Variants in NDUFA10 observed in about 807,000 individuals in gnomAD.
The protein encoded by NDUFA10 is NADH:ubiquinone oxidoreductase subunit A10.
In NDUFA10, 40 loss-of-function variants were observed where a neutral mutation model predicts 47.8. The observed-to-expected ratio is 0.84, with a 90% CI of 0.65 to 1.09. The LOEUF is 1.09. Ranked by LOEUF, NDUFA10 falls within the 50% of genes least tolerant of loss-of-function variation. NDUFA10 has a pLI of 0.00. For synonymous variants in NDUFA10, 183 were observed against 172.2 expected (o/e 1.06, Z -0.49); for missense variants, 413 against 451.1 (o/e 0.92, Z 0.76).
chr2:239,955,010 T>C (rs551738588), downstream of NDUFA10, among the ~76,000 whole-genome samples: 10 of 152,330 alleles, frequency 6.6e-5, no homozygotes, highest in Middle Eastern at 6.8e-3. Context: ...TAAATTACTT[T>C]CTCTCAACAA....
chr2:239,996,327 C>T (rs913116858), intron 8 of NDUFA10, among the ~76,000 whole-genome samples: 1 of 152,266 alleles, frequency 6.6e-6, no homozygotes, highest in Non-Finnish European at 1.5e-5. Flanking sequence ...GGAGAGAAAT[C>T]ATACACAGTG....
At chr2:240,006,508 C>T (rs1449462139) in intron 7 of NDUFA10, among the ~76,000 whole-genome samples, 2 of 152,178 alleles carry the variant, frequency 1.3e-5, no homozygotes, top group Non-Finnish European at 2.9e-5. Flanking sequence ...CTCTGTTACA[C>T]GGGCACCACT....
rs1694098012 is a variant in NDUFA10 at position 239,928,201 on chromosome 2, T to G, written c.295-32887A>C. On this transcript the variant is annotated intron_variant, in intron 4 of 5. Transcript: ENST00000419408. This position sits in a 1 kb window ranked among gnomAD's most constrained non-coding sequence, Gnocchi z 4.3. ...AAAAATAACAAAAGAAGAAAACAAA[T>G]GTAACAGAAAAAAAAAGGCAGGTAC... Among the ~76,000 whole-genome samples, 1 of 150,484 alleles carries G rather than the reference T, an allele frequency of 6.6e-6. No individual in the cohort carries two copies. The highest frequency in any genetic ancestry group is 1.5e-5 in the Non-Finnish European group (1 of 67,594).
chr2:240,019,615 G>A lies in NDUFA10; in HGVS notation c.461-976C>T, dbSNP rs1251476749. Among the ~76,000 whole-genome samples, 5 of 94,448 alleles carry A rather than the reference G, an allele frequency of 5.3e-5. 2 individuals carry two copies. The allele number at this position is 94,448 out of a possible 152,430, so 62.0% of individuals were successfully genotyped here. A position where few individuals can be genotyped will look rare whatever the true frequency, so the allele number is the denominator to read the frequency against. ...GGGCGGATCACGAGGTCAGGAGATCGAGACCATCCCGGCTAAAACGGTGAA... is the reference window on the plus strand; with the variant it reads ...GGGCGGATCACGAGGTCAGGAGATCAAGACCATCCCGGCTAAAACGGTGAA... On this transcript the variant is annotated intron_variant, in intron 3 of 9. Transcript: ENST00000252711.
intron 4 of NDUFA10, among the ~76,000 whole-genome samples, chr2:239,936,793 T>C (rs1013260334): frequency 6.6e-6 from 1 of 152,012 alleles, no homozygotes; most frequent in Non-Finnish European, 1.5e-5. Flanking sequence ...TCTCTACTAA[T>C]AATAAAAAAA....
At chr2:239,982,082 C>T (rs1353711284) in intron 9 of NDUFA10, 2 of 1,611,500 alleles carry the variant, frequency 1.2e-6, no homozygotes, top group Non-Finnish European at 8.5e-7. Context: ...CTGTTTGCTC[C>T]CCTGCAGCAA....
intron 4 of NDUFA10, among the ~76,000 whole-genome samples, chr2:239,909,191 A>C (rs916274151): frequency 6.8e-6 from 1 of 147,296 alleles, no homozygotes; most frequent in Non-Finnish European, 1.5e-5. Flanking sequence ...AGACAAAACC[A>C]AAGTGGGGTC....
chr2:239,959,947 G>T lies in NDUFA10; in HGVS notation c.*1171C>A. 2 of 985,534 alleles carry T rather than the reference G, an allele frequency of 2.0e-6. No individual in the cohort carries two copies. Among genetic ancestry groups the T allele is most frequent in the South Asian group, 9.4e-5 (2 of 21,292 alleles). 61.0% of individuals were successfully genotyped at this position (985,534 alleles called of 1,614,324 possible). On this transcript the variant is annotated 3_prime_UTR_variant, in exon 10 of 10. Transcript: ENST00000252711. ...AGGCCTGGTAGAGCTTCCGCGGGGA[G>T]CAGAGCATCGTCCTCTGCACCAGCA...
chr2:240,004,654 A>ATGGC (rs1696875763), intron 8 of NDUFA10, among the ~76,000 whole-genome samples: 6 of 147,072 alleles, frequency 4.1e-5, no homozygotes, highest in African/African-American at 1.6e-4. Flanking sequence ...CCCTCCCCAC[A>ATGGC]CTTTTTCTGG....
At chr2:239,996,966 T>C (rs538003278) in intron 8 of NDUFA10, among the ~76,000 whole-genome samples, 83 of 152,218 alleles carry the variant, frequency 5.5e-4, no homozygotes, top group South Asian at 1.9e-3. Flanking sequence ...TGCAATGTAA[T>C]ACAATAATAT....
intron 4 of NDUFA10, among the ~76,000 whole-genome samples, chr2:239,922,185 G>A (rs1694001659): frequency 6.6e-6 from 1 of 151,786 alleles, no homozygotes; most frequent in Non-Finnish European, 1.5e-5. Flanking sequence ...TAAATGTCCT[G>A]AGTGTCCCTT....
chr2:239,974,595 T>C (rs1163579900), intron 9 of NDUFA10, among the ~76,000 whole-genome samples: 2 of 152,238 alleles, frequency 1.3e-5, no homozygotes, highest in Non-Finnish European at 2.9e-5. Flanking sequence ...TGATCCCTCA[T>C]GAATGGCTTG....
At chr2:239,934,744 C>T (rs774110260) in intron 4 of NDUFA10, among the ~76,000 whole-genome samples, 1 of 152,212 alleles carries the variant, frequency 6.6e-6, no homozygotes, top group African/African-American at 2.4e-5. Flanking sequence ...CTCAGCGCAG[C>T]GTTCTCACTG....
chr2:240,006,032 T>C (rs1417299936), intron 7 of NDUFA10, among the ~76,000 whole-genome samples: 3 of 152,236 alleles, frequency 2.0e-5, no homozygotes, highest in Admixed American at 6.5e-5. Context: ...GCCTCAAGGC[T>C]GGCTGTCTAC....
Position 240,016,166 on chromosome 2 carries a change from A to C in NDUFA10, c.548-1306T>G, listed in dbSNP as rs1253176152. On this transcript the variant is annotated intron_variant, in intron 4 of 9. Transcript: ENST00000252711. The surrounding 1 kb of genome is among the most constrained non-coding windows in gnomAD (Gnocchi z 4.4). ...GGTCAGGAACGGCACGAGCTAAAGA[A>C]CAAGGAAGACCACCCAGGAGGAGGT... 6.6e-6 allele frequency among the ~76,000 whole-genome samples: 1 copy of C among 152,248 alleles called. No individual in the cohort carries two copies. Among genetic ancestry groups the C allele is most frequent in the African/African-American group, 2.4e-5 (1 of 41,470 alleles).
At chr2:239,980,309 C>A (rs1452227116) in intron 9 of NDUFA10, among the ~76,000 whole-genome samples, 1 of 152,208 alleles carries the variant, frequency 6.6e-6, no homozygotes, top group African/African-American at 2.4e-5. Flanking sequence ...AAATGTCAGG[C>A]TTGGCAGCAG....
chr2:239,950,975 G>A (rs951773957), intron 4 of NDUFA10, among the ~76,000 whole-genome samples: 5 of 152,226 alleles, frequency 3.3e-5, no homozygotes, highest in Non-Finnish European at 7.3e-5. Context: ...CTTCCAGTAC[G>A]TTCCGCTTCA....
intron 9 of NDUFA10, among the ~76,000 whole-genome samples, chr2:239,983,242 G>A (rs113818886): frequency 0.018 from 2,724 of 152,222 alleles, 85 homozygotes; most frequent in African/African-American, 0.062. Flanking sequence ...AGAGCCTTTT[G>A]TGAGAAGCCA....
chr2:240,004,649 C>CTAGTCCTGCTCCCTTCCG (rs1696874941), intron 8 of NDUFA10, among the ~76,000 whole-genome samples: 1 of 151,978 alleles, frequency 6.6e-6, no homozygotes, highest in African/African-American at 2.4e-5. Context: ...GCCTCCCCTC[C>CTAGTCCTGCTCCCTTCCG]CCACACTTTT....
Sources: allele counts gnomAD v4.1 joint callset (sites outside exome capture counted in the v4.1 genomes callset), GRCh38; gene constraint gnomAD v4.1.1; non-coding constraint Gnocchi (gnomAD v3.1); transcripts MANE v1.5; gene names NCBI Gene and HGNC (gene_info 2026-07-23, HGNC 2026-07-21).